GRIK1: variants seen among roughly 807,000 people sequenced by gnomAD.
GRIK1 encodes glutamate ionotropic receptor kainate type subunit 1, also known as glutamate receptor ionotropic, kainate 1.
In GRIK1, 69 loss-of-function variants were observed where a neutral mutation model predicts 105.7. That is an observed-to-expected ratio of 0.65 (90% CI 0.54 to 0.80). GRIK1 has a LOEUF of 0.80. Among genes scored for constraint, GRIK1 ranks in the 30% least tolerant of loss-of-function variants. The pLI is 0.00. For synonymous variants in GRIK1, 438 were observed against 431.3 expected (o/e 1.02, Z -0.19); for missense variants, 1,109 against 1,167.3 (o/e 0.95, Z 0.73).
chr21:29,735,020 C>T (rs574538349), intron 1 of GRIK1, among the ~76,000 whole-genome samples: 30 of 152,298 alleles, frequency 2.0e-4, no homozygotes, highest in African/African-American at 6.7e-4. Context: ...TCAGAGCACA[C>T]TCAAAAACTC....
intron 1 of GRIK1, among the ~76,000 whole-genome samples, chr21:29,695,601 A>G (rs1363930230): frequency 6.6e-6 from 1 of 151,984 alleles, no homozygotes; most frequent in Non-Finnish European, 1.5e-5. Flanking sequence ...CAGCTACCTG[A>G]GTAGCTGGGA....
intron 4 of GRIK1, among the ~76,000 whole-genome samples, chr21:29,658,983 T>G (rs992450812): frequency 1.3e-5 from 2 of 152,232 alleles, no homozygotes; most frequent in African/African-American, 4.8e-5. Flanking sequence ...TAAATGATCT[T>G]GTTTACAACT....
intron 16 of GRIK1, chr21:29,553,544 TTTTAAACTGA>T (rs1202813392): frequency 6.5e-7 from 1 of 1,543,854 alleles, no homozygotes; most frequent in East Asian, 2.3e-5. Flanking sequence ...TTTTTTTTTT[TTTTAAACTGA>T]TTACACAGTA....
chr21:29,553,588 C>T (rs772388874), intron 16 of GRIK1: 44 of 1,598,028 alleles, frequency 2.8e-5, no homozygotes, highest in Non-Finnish European at 3.7e-5. Context: ...GTTTTCGAAT[C>T]CCTCTCTCCT....
intron 14 of GRIK1, among the ~76,000 whole-genome samples, chr21:29,563,516 T>C (rs1332565923): frequency 6.6e-6 from 1 of 152,194 alleles, no homozygotes; most frequent in Non-Finnish European, 1.5e-5. Context: ...CGGAGATATC[T>C]GCAAGCTGCA....
intron 3 of GRIK1, among the ~76,000 whole-genome samples, chr21:29,678,041 T>C (rs1436735742): frequency 6.6e-6 from 1 of 152,214 alleles, no homozygotes; most frequent in Non-Finnish European, 1.5e-5. Flanking sequence ...ATTTCCTGTT[T>C]GTTAAACCAT....
At chr21:29,752,402 G>A (rs1423652363) in intron 1 of GRIK1, among the ~76,000 whole-genome samples, 4 of 152,192 alleles carry the variant, frequency 2.6e-5, no homozygotes, top group Admixed American at 1.3e-4. Flanking sequence ...TATATGCTGT[G>A]AGCATGAAGG....
chr21:29,665,487 A>G, intron 4 of GRIK1, among the ~76,000 whole-genome samples: 1 of 152,250 alleles, frequency 6.6e-6, no homozygotes, highest in East Asian at 1.9e-4. Flanking sequence ...GTCAGGATTT[A>G]TCCAAAGTAA....
chr21:29,861,720 A>G (rs937383717), intron 1 of GRIK1: 3 of 433,234 alleles, frequency 6.9e-6, no homozygotes, highest in Non-Finnish European at 1.4e-5. Flanking sequence ...GTATTTGATT[A>G]TATGCATTTT....
At chr21:29,689,429 A>C (rs1400991783) in intron 3 of GRIK1, among the ~76,000 whole-genome samples, 2 of 152,230 alleles carry the variant, frequency 1.3e-5, no homozygotes, top group Non-Finnish European at 2.9e-5. Context: ...AGCTGGAAAA[A>C]TGAAAATACA....
At chr21:29,603,017 C>A (rs1305010032) in intron 7 of GRIK1, among the ~76,000 whole-genome samples, 1 of 152,050 alleles carries the variant, frequency 6.6e-6, no homozygotes, top group Non-Finnish European at 1.5e-5. Context: ...ACAGGGATAG[C>A]ACAATTCCTC....
At position 29,743,046 on chromosome 21, in the gene GRIK1, T is replaced by G. The variant is rs1373816723; in HGVS notation, c.119-48983A>C. 4.6e-5 allele frequency among the ~76,000 whole-genome samples: 7 copies of G among 152,214 alleles called. No individual in the cohort carries two copies. The East Asian group carries it at 1.4e-3, about 29-fold the overall frequency. On this transcript the variant is annotated intron_variant, in intron 1 of 17. Transcript: ENST00000327783. ...GGCTAGTCCCTTCCTCACTTCTTTTTTTTTTTCAAGGTGTTCTTAGATATT... is the reference window on the plus strand; with the variant it reads ...GGCTAGTCCCTTCCTCACTTCTTTTGTTTTTTCAAGGTGTTCTTAGATATT...
At chr21:29,699,397 A>G (rs1400912142) in intron 1 of GRIK1, among the ~76,000 whole-genome samples, 3 of 152,154 alleles carry the variant, frequency 2.0e-5, no homozygotes, top group Non-Finnish European at 4.4e-5. Context: ...ACACAGATAT[A>G]CCAGGGACTT....
chr21:29,847,014 C>T (rs542961430), intron 1 of GRIK1, among the ~76,000 whole-genome samples: 1 of 152,226 alleles, frequency 6.6e-6, no homozygotes, highest in South Asian at 2.1e-4. Flanking sequence ...CTTGTTTAAT[C>T]GACCTCCTAC....
rs1215043459 is a variant in GRIK1 at position 29,561,806 on chromosome 21, C to G, written c.2174G>C (p.Ser725Thr). ...STYEKMWAFM[S>T]SRQQTALVRN... is the part of the protein sequence containing the mutation. ...TACCAGGGCGGTCTGCTGCCTGCTG[C>G]TCATGAAAGCCCACATCTTCTCATA... The change falls in exon 15 of 18, where the codon AGC (serine) becomes ACC (threonine). Residue 725 changes from serine to threonine, a missense_variant. Coordinates refer to ENST00000327783, the MANE Select transcript of GRIK1 (RefSeq NM_001330994.2). 6.2e-7 allele frequency: 1 copy of G among 1,613,898 alleles called. No individual in the cohort carries two copies.
chr21:29,775,545 T>C (rs1241500342), intron 1 of GRIK1, among the ~76,000 whole-genome samples: 1 of 152,110 alleles, frequency 6.6e-6, no homozygotes, highest in Non-Finnish European at 1.5e-5. Flanking sequence ...GCTGGTGGTA[T>C]TTCCCTGCCA....
At chr21:29,732,627 T>TAA (rs139235321) in intron 1 of GRIK1, among the ~76,000 whole-genome samples, 1 of 152,310 alleles carries the variant, frequency 6.6e-6, no homozygotes, top group Non-Finnish European at 1.5e-5. Context: ...CCATTGACTT[T>TAA]ACCCCACGGA....
At chr21:29,737,685 C>G (rs2064827699) in intron 1 of GRIK1, among the ~76,000 whole-genome samples, 1 of 152,250 alleles carries the variant, frequency 6.6e-6, no homozygotes, top group Non-Finnish European at 1.5e-5. Flanking sequence ...TGGGGCAACC[C>G]AAGCCTTTAA....
intron 1 of GRIK1, among the ~76,000 whole-genome samples, chr21:29,807,400 G>C (rs942846607): frequency 2.2e-4 from 34 of 152,088 alleles, no homozygotes; most frequent in African/African-American, 7.7e-4. Flanking sequence ...ATGGAACCAG[G>C]AAGGCAAGTG....
Sources: gnomAD v4.1 joint callset for allele counts (sites outside exome capture counted in the v4.1 genomes callset) on GRCh38, gnomAD v4.1.1 for gene constraint, MANE v1.5 for transcripts, NCBI Gene and HGNC (gene_info 2026-07-23, HGNC 2026-07-21) for gene names.